Variants in RASSF3 observed in about 807,000 individuals in gnomAD.
The protein encoded by RASSF3 is ras association domain-containing protein 3.
RASSF3 carries 19 observed loss-of-function variants against 19.9 expected under a neutral mutation model. The observed-to-expected ratio is 0.96, with a 90% confidence interval of 0.67 to 1.40. RASSF3 has a LOEUF of 1.40. Ranked by LOEUF, RASSF3 falls within the 40% of genes most tolerant of loss-of-function variation. RASSF3 has a pLI of 0.00. For synonymous variants in RASSF3, 110 were observed against 104.2 expected (o/e 1.06, Z -0.34); for missense variants, 306 against 289.8 (o/e 1.06, Z -0.41).
chr12:64,658,667 G>T (rs1344394750), intron 1 of RASSF3, among the ~76,000 whole-genome samples: 1 of 152,096 alleles, frequency 6.6e-6, no homozygotes. Flanking sequence ...CAAGTATGGT[G>T]GCATACACCT....
At chr12:64,634,967 C>CTTTTTT (rs139897110) in intron 1 of RASSF3, among the ~76,000 whole-genome samples, 1 of 128,114 alleles carries the variant, frequency 7.8e-6, no homozygotes, top group African/African-American at 2.9e-5. Context: ...CTTTTCTTTT[C>CTTTTTT]TTTTTTTTTT....
chr12:64,577,173 C>T (rs539663278), intron 2 of RASSF3, among the ~76,000 whole-genome samples: 3 of 152,276 alleles, frequency 2.0e-5, no homozygotes, highest in Non-Finnish European at 4.4e-5. Context: ...CGCTACTCGG[C>T]TGAGTTTCTT....
intron 1 of RASSF3, among the ~76,000 whole-genome samples, chr12:64,540,548 A>G (rs1868918009): frequency 6.6e-6 from 1 of 152,244 alleles, no homozygotes. Context: ...CTAAATGGCC[A>G]TCAACAGATA....
At chr12:64,598,852 T>A (rs1870039285) in intron 2 of RASSF3, among the ~76,000 whole-genome samples, 1 of 151,820 alleles carries the variant, frequency 6.6e-6, no homozygotes, top group Non-Finnish European at 1.5e-5. Context: ...ACTCGTCATT[T>A]ACATTAGGTA....
intron 1 of RASSF3, among the ~76,000 whole-genome samples, chr12:64,676,328 G>T (rs1329444061): frequency 1.3e-5 from 2 of 151,286 alleles, no homozygotes; most frequent in Non-Finnish European, 2.9e-5. Context: ...CCACCACACT[G>T]GGCTAATTTT....
In RASSF3 at chr12:64,656,654, T is replaced by G. The variant is rs181041322; in HGVS notation, c.112-28133T>G. On this transcript the variant is annotated intron_variant, in intron 1 of 4. Transcript: ENST00000542104. ...TGAAAGTTGTTTACACAAGCCTGAG[T>G]CTATAAACTCAGAGATAAAAAAAAT... 1.5e-4 allele frequency among the ~76,000 whole-genome samples: 23 copies of G among 152,098 alleles called. No homozygotes were observed. In the East Asian group the frequency reaches 3.5e-3, roughly 23 times the overall value.
intron 2 of RASSF3, among the ~76,000 whole-genome samples, chr12:64,550,788 T>C (rs572950385): frequency 5.5e-4 from 68 of 123,910 alleles, no homozygotes; most frequent in African/African-American, 1.8e-3. Context: ...GCCACTGCAG[T>C]CCAGCCTGAG....
At chr12:64,612,660 G>A (rs189640486) in intron 1 of RASSF3, among the ~76,000 whole-genome samples, 66 of 152,004 alleles carry the variant, frequency 4.3e-4, no homozygotes, top group South Asian at 1.9e-3. Flanking sequence ...ATTTTTAGTA[G>A]AGATGGGATT....
chr12:64,652,453 A>G (rs1204249619), intron 1 of RASSF3, among the ~76,000 whole-genome samples: 1 of 119,276 alleles, frequency 8.4e-6, no homozygotes, highest in Non-Finnish European at 1.6e-5. Context: ...GTTGTTGTCC[A>G]GGCTGACCTC....
chr12:64,645,083 A>G (rs1871683610), intron 1 of RASSF3, among the ~76,000 whole-genome samples: 1 of 152,142 alleles, frequency 6.6e-6, no homozygotes, highest in Non-Finnish European at 1.5e-5. Flanking sequence ...GGAATTATTT[A>G]TGGTTTGCAT....
chr12:64,629,138 T>A lies in RASSF3; in HGVS notation c.111+18395T>A, dbSNP rs953792623. 7.2e-5 allele frequency among the ~76,000 whole-genome samples: 11 copies of A among 151,866 alleles called. No individual in the cohort carries two copies. The East Asian group carries it at 2.1e-3, about 29-fold the overall frequency. ...TTTTTTTTAAGACAAGGTCTCACTC[T>A]GTCGTCCAGGCTGGAGTACAGTGGC... is the stretch of plus-strand genomic sequence containing the variant. On this transcript the variant is annotated intron_variant, in intron 1 of 4. Coordinates refer to ENST00000542104, the MANE Select transcript of RASSF3 (RefSeq NM_178169.4).
intron 1 of RASSF3, among the ~76,000 whole-genome samples, chr12:64,639,721 T>C (rs576188257): frequency 3.8e-4 from 58 of 152,216 alleles, no homozygotes; most frequent in Non-Finnish European, 6.9e-4. Context: ...GCTGATAATA[T>C]TGGTTCCTTC....
chr12:64,641,414 A>ACACACACACACACGCGCG, intron 1 of RASSF3, among the ~76,000 whole-genome samples: 4 of 142,194 alleles, frequency 2.8e-5, no homozygotes, highest in African/African-American at 1.1e-4. Context: ...ACACACACAC[A>ACACACACACACACGCGCG]CGCGCGCGCG....
chr12:64,508,910 A>C (rs1381011512), intron 1 of RASSF3, among the ~76,000 whole-genome samples: 1 of 151,178 alleles, frequency 6.6e-6, no homozygotes, highest in African/African-American at 2.5e-5. Context: ...AAAAACAAAA[A>C]CAAAACCATG....
At chr12:64,690,931 GCTCA>G (rs1181181463) in intron 3 of RASSF3, among the ~76,000 whole-genome samples, 1 of 151,874 alleles carries the variant, frequency 6.6e-6, no homozygotes, top group Non-Finnish European at 1.5e-5. Flanking sequence ...CACGATCTCG[GCTCA>G]CTCCAACCTC....
At chr12:64,640,118 A>G (rs962156193) in intron 1 of RASSF3, among the ~76,000 whole-genome samples, 10 of 152,192 alleles carry the variant, frequency 6.6e-5, no homozygotes, top group Non-Finnish European at 1.5e-4. Flanking sequence ...CCAGTGGACC[A>G]TGTTACTTTT....
Position 64,647,159 on chromosome 12 carries a change from A to C in RASSF3, c.111+36416A>C, listed in dbSNP as rs17100507. 4.3e-3 allele frequency among the ~76,000 whole-genome samples: 660 copies of C among 152,296 alleles called. 6 individuals carry two copies. The highest frequency in any genetic ancestry group is 0.015 in the African/African-American group (640 of 41,570). ...AATTTCTTTTATCTTTTAAACTGAG[A>C]ATCCCTCCACCTCCTGGCACCCCAG... On this transcript the variant is annotated intron_variant, in intron 1 of 4. Transcript: ENST00000542104.
intron 1 of RASSF3, among the ~76,000 whole-genome samples, chr12:64,641,513 C>A (rs1871529139): frequency 6.7e-6 from 1 of 149,104 alleles, no homozygotes; most frequent in Non-Finnish European, 1.5e-5. Flanking sequence ...TAACTGACTC[C>A]AGCTGGGGGT....
chr12:64,586,366 C>A (rs1408161585), intron 2 of RASSF3, among the ~76,000 whole-genome samples: 2 of 151,020 alleles, frequency 1.3e-5, no homozygotes, highest in African/African-American at 4.9e-5. Context: ...GGTATGCACC[C>A]GTAGTCCCAC....
Sources: gnomAD v4.1 joint callset for allele counts (sites outside exome capture counted in the v4.1 genomes callset) on GRCh38, gnomAD v4.1.1 for gene constraint, MANE v1.5 for transcripts, NCBI Gene and HGNC (gene_info 2026-07-23, HGNC 2026-07-21) for gene names.